GLIS3: variants seen among roughly 807,000 people sequenced by gnomAD.
GLIS3 encodes the protein GLIS family zinc finger 3, also known as zinc finger protein GLIS3.
A neutral mutation model predicts 78.6 loss-of-function variants in GLIS3; 53 were observed. That is an observed-to-expected ratio of 0.67 (90% CI 0.54 to 0.85). The LOEUF is 0.85. Ranked by LOEUF, GLIS3 falls within the 40% of genes least tolerant of loss-of-function variation. The pLI is 0.00. For synonymous variants in GLIS3, 684 were observed against 509.9 expected, an observed-to-expected ratio of 1.34 and a Z score of -4.60; for missense variants, 1,703 against 1,231.1, an observed-to-expected ratio of 1.38 and a Z score of -5.74.
intron 1 of GLIS3, among the ~76,000 whole-genome samples, chr9:4,287,883 C>G (rs1239634150): frequency 1.3e-5 from 2 of 152,230 alleles, no homozygotes; most frequent in African/African-American, 4.8e-5. Context: ...TGAGGAAATT[C>G]AAAAGTAATT....
chr9:4,307,688 T>C (rs1273324069), intron 4 of GLIS3, among the ~76,000 whole-genome samples: 1 of 152,184 alleles, frequency 6.6e-6, no homozygotes, highest in African/African-American at 2.4e-5. Flanking sequence ...ACTGTGGAAG[T>C]GAGCCCTGGA....
At chr9:4,050,344 A>G (rs1432662394) in intron 4 of GLIS3, among the ~76,000 whole-genome samples, 2 of 152,172 alleles carry the variant, frequency 1.3e-5, no homozygotes, top group Admixed American at 6.6e-5. Flanking sequence ...AACTATCGCA[A>G]GGACAGAAAA....
At chr9:4,013,086 A>C (rs1373888878) in intron 4 of GLIS3, among the ~76,000 whole-genome samples, 3 of 151,968 alleles carry the variant, frequency 2.0e-5, no homozygotes, top group Non-Finnish European at 4.4e-5. Flanking sequence ...TAGAGCAAAA[A>C]TGTGGTATCC....
At chr9:3,893,607 G>T (rs1203076998) in intron 7 of GLIS3, among the ~76,000 whole-genome samples, 1 of 152,170 alleles carries the variant, frequency 6.6e-6, no homozygotes, top group Non-Finnish European at 1.5e-5. Context: ...ACTCCTCCCA[G>T]TCAAAATTCA....
chr9:4,227,323 A>G (rs982245942), intron 2 of GLIS3, among the ~76,000 whole-genome samples: 1 of 140,300 alleles, frequency 7.1e-6, no homozygotes, highest in Non-Finnish European at 1.6e-5. Flanking sequence ...AAAAAAAAAA[A>G]AGTAAGTAAG....
At chr9:4,340,088 G>C (rs1035948728) in intron 2 of GLIS3, among the ~76,000 whole-genome samples, 1 of 151,612 alleles carries the variant, frequency 6.6e-6, no homozygotes, top group Non-Finnish European at 1.5e-5. Context: ...TCACGGCTTG[G>C]CTTAGCATGA....
At chr9:4,270,245 C>A (rs193284359) in intron 2 of GLIS3, among the ~76,000 whole-genome samples, 2 of 152,222 alleles carry the variant, frequency 1.3e-5, no homozygotes, top group African/African-American at 2.4e-5. Flanking sequence ...TCCTGCCTTC[C>A]TGCTCCTATA....
chr9:3,971,120 A>G (rs1818351939), intron 4 of GLIS3, among the ~76,000 whole-genome samples: 1 of 101,236 alleles, frequency 9.9e-6, no homozygotes, highest in African/African-American at 3.6e-5. Flanking sequence ...GGAAGGATCG[A>G]AGGAAGGAAG....
chr9:3,902,378 A>T (rs1823370559), intron 6 of GLIS3, among the ~76,000 whole-genome samples: 1 of 152,228 alleles, frequency 6.6e-6, no homozygotes, highest in African/African-American at 2.4e-5. Context: ...TACAGGAATG[A>T]TCTAAAGGGT....
intron 4 of GLIS3, among the ~76,000 whole-genome samples, chr9:4,063,656 T>C (rs1401704478): frequency 1.3e-5 from 2 of 151,956 alleles, no homozygotes; most frequent in African/African-American, 2.4e-5. Flanking sequence ...CAATAATGTA[T>C]AAAAGGTCCT....
chr9:4,018,229 G>A (rs1217866309), intron 4 of GLIS3, among the ~76,000 whole-genome samples: 1 of 152,198 alleles, frequency 6.6e-6, no homozygotes, highest in African/African-American at 2.4e-5. Flanking sequence ...CTCACAGGAG[G>A]AGAACTGAAT....
chr9:4,449,737 C>T, the GLIS3 span, among the ~76,000 whole-genome samples: 28 of 152,268 alleles, frequency 1.8e-4, no homozygotes, highest in Admixed American at 6.5e-4. Flanking sequence ...CTCCAACAGA[C>T]CTGCAGCTGA....
chr9:3,894,296 T>G (rs947397253), intron 7 of GLIS3, among the ~76,000 whole-genome samples: 1 of 152,232 alleles, frequency 6.6e-6, no homozygotes, highest in African/African-American at 2.4e-5. Context: ...CTATTAAGTT[T>G]AACCTACTGG....
At chr9:4,057,284 T>A (rs1379853460) in intron 4 of GLIS3, among the ~76,000 whole-genome samples, 1 of 152,148 alleles carries the variant, frequency 6.6e-6, no homozygotes, top group African/African-American at 2.4e-5. Flanking sequence ...TCTTAATCAT[T>A]TCTGAACAAG....
At chr9:4,070,661 A>G (rs1046061556) in intron 4 of GLIS3, among the ~76,000 whole-genome samples, 1 of 152,164 alleles carries the variant, frequency 6.6e-6, no homozygotes, top group Non-Finnish European at 1.5e-5. Context: ...TATCCAGGTG[A>G]AAGACTTTGG....
At chr9:4,358,023 G>C in the GLIS3 span, among the ~76,000 whole-genome samples, 3 of 152,176 alleles carry the variant, frequency 2.0e-5, no homozygotes, top group Non-Finnish European at 2.9e-5. Context: ...AGATAGGTCT[G>C]TATGATCTAA....
At chr9:3,832,941 C>T (rs1382851627) in intron 9 of GLIS3, among the ~76,000 whole-genome samples, 1 of 152,196 alleles carries the variant, frequency 6.6e-6, no homozygotes, top group Admixed American at 6.5e-5. Flanking sequence ...TTTATTCACC[C>T]TTTCCTATCT....
At chr9:4,381,533 C>G in the GLIS3 span, among the ~76,000 whole-genome samples, 1 of 152,200 alleles carries the variant, frequency 6.6e-6, no homozygotes, top group South Asian at 2.1e-4. Flanking sequence ...CAAAGCCTTA[C>G]AGGTTTCATT....
chr9:4,121,148 A>C (rs1182206176), intron 3 of GLIS3, among the ~76,000 whole-genome samples: 2 of 152,224 alleles, frequency 1.3e-5, no homozygotes, highest in Non-Finnish European at 2.9e-5. Context: ...AACTTCCCCA[A>C]ATGGCCTTTG....
Sources: allele counts gnomAD v4.1 joint callset (sites outside exome capture counted in the v4.1 genomes callset), GRCh38; gene constraint gnomAD v4.1.1; transcripts MANE v1.5; gene names NCBI Gene and HGNC (gene_info 2026-07-23, HGNC 2026-07-21).